Variants in C8orf34 observed in about 807,000 individuals in gnomAD.
The protein encoded by C8orf34 is chromosome 8 open reading frame 34, also known as uncharacterized protein C8orf34.
A neutral mutation model predicts 68.3 loss-of-function variants in C8orf34; 65 were observed. The ratio of observed to expected loss-of-function variants is 0.95; its 90% CI spans 0.78 to 1.17. C8orf34 has a LOEUF of 1.17. C8orf34 is among the 50% of genes most tolerant of loss of function. The probability of loss-of-function intolerance (pLI) is 0.00; values close to 1 mark genes in which losing one functional copy is unlikely to be tolerated. For missense variants in C8orf34, 664 were observed against 655.4 expected (o/e 1.01, Z -0.14); for synonymous variants, 244 against 241.2 (o/e 1.01, Z -0.11).
intron 8 of C8orf34, among the ~76,000 whole-genome samples, chr8:68,643,267 G>T (rs759641091): frequency 1.3e-5 from 2 of 152,176 alleles, no homozygotes; most frequent in Admixed American, 6.5e-5. Context: ...CCATGTCATT[G>T]TCTCACCTCT....
At chr8:68,765,195 C>G (rs949398609) in intron 10 of C8orf34, among the ~76,000 whole-genome samples, 4 of 152,180 alleles carry the variant, frequency 2.6e-5, no homozygotes. Context: ...AGAATAACCC[C>G]TGAGGAAAGT....
At chr8:68,642,207 T>C (rs1383104362) in intron 8 of C8orf34, among the ~76,000 whole-genome samples, 2 of 152,258 alleles carry the variant, frequency 1.3e-5, no homozygotes, top group East Asian at 3.9e-4. Flanking sequence ...AGGCCTAAAA[T>C]AGATAAAAAC....
Position 68,688,797 on chromosome 8 carries a change from A to G in C8orf34, c.1242-20197A>G, listed in dbSNP as rs533152409. Among the ~76,000 whole-genome samples, 3 of 152,224 alleles carry G rather than the reference A, an allele frequency of 2.0e-5. No individual in the cohort carries two copies. In the East Asian group the frequency reaches 5.8e-4, roughly 30 times the overall value. Reference sequence around the variant, plus strand: ...GGAGCTGAACAACGAGAACGTGGACATAGAAAGGGGAACAACACATACTGG... The same window carrying G: ...GGAGCTGAACAACGAGAACGTGGACGTAGAAAGGGGAACAACACATACTGG... On this transcript the variant is annotated intron_variant, in intron 8 of 13. Transcript: ENST00000518698.
rs546679933 is a variant in C8orf34, at chr8:68,574,679, C to T, written c.1105+41530C>T. Among the ~76,000 whole-genome samples, 4 of 152,114 alleles carry T rather than the reference C, an allele frequency of 2.6e-5. No individual in the cohort carries two copies. In the South Asian group the frequency reaches 6.2e-4, roughly 24 times the overall value. On this transcript the variant is annotated intron_variant, in intron 7 of 13. Transcript: ENST00000518698. ...TAACTTAATGCATGTATTTGTCTTC[C>T]ATTTCATAGAAACTTGAAACACATG...
chr8:68,623,402 A>T (rs1818444052), intron 7 of C8orf34, among the ~76,000 whole-genome samples: 2 of 151,606 alleles, frequency 1.3e-5, no homozygotes, highest in Non-Finnish European at 2.9e-5. Context: ...TCACAGTAGC[A>T]CTCCCCACCC....
At chr8:68,719,279 A>G (rs1478460192) in intron 9 of C8orf34, among the ~76,000 whole-genome samples, 1 of 152,014 alleles carries the variant, frequency 6.6e-6, no homozygotes, top group Non-Finnish European at 1.5e-5. Flanking sequence ...AAACTCTCAA[A>G]TGTTCTGGCA....
In C8orf34 at chr8:68,331,359, G is replaced by T. The variant is rs934088363; in HGVS notation, c.327+20G>T. On this transcript the variant is annotated intron_variant, in intron 1 of 13. Transcript: ENST00000518698. ...TTTGAGGTAAGGCGCTGTGGAGGAG[G>T]GCAGTCCCGTTGTCTTTAGGGGAAG... 1.0e-5 allele frequency: 16 copies of T among 1,534,840 alleles called. No individual in the cohort carries two copies. Among genetic ancestry groups the T allele is most frequent in the Admixed American group, 3.9e-5 (2 of 50,968 alleles).
rs575315821 is a variant in C8orf34 at position 68,586,977 on chromosome 8, T to C, written c.1106-53399T>C. 2.6e-3 allele frequency among the ~76,000 whole-genome samples: 394 copies of C among 152,288 alleles called. 1 individual carries two copies. The highest frequency in any genetic ancestry group is 8.9e-3 in the African/African-American group (369 of 41,582). On this transcript the variant is annotated intron_variant, in intron 7 of 13. Transcript: ENST00000518698. ...ACTAATTGCAATACTCTCTATGGTC[T>C]GCTAAGTAGAAATATCTACTACATA... is the stretch of plus-strand genomic sequence containing the variant.
chr8:68,517,749 A>G (rs1463819350), intron 5 of C8orf34, among the ~76,000 whole-genome samples: 2 of 152,142 alleles, frequency 1.3e-5, no homozygotes, highest in African/African-American at 4.8e-5. Flanking sequence ...GCCTAAACTC[A>G]TCTATTTCTG....
At chr8:68,583,606 C>T (rs1817126771) in intron 7 of C8orf34, among the ~76,000 whole-genome samples, 1 of 152,126 alleles carries the variant, frequency 6.6e-6, no homozygotes, top group South Asian at 2.1e-4. Context: ...GTTAATCCAC[C>T]TCCATTTCTT....
intron 9 of C8orf34, among the ~76,000 whole-genome samples, chr8:68,710,153 C>G (rs1821290850): frequency 6.6e-6 from 1 of 152,056 alleles, no homozygotes; most frequent in Non-Finnish European, 1.5e-5. Flanking sequence ...CTCGGACAGA[C>G]AGAGCAGCAT....
intron 3 of C8orf34, chr8:68,446,717 G>A (rs1811140801): frequency 2.3e-6 from 1 of 428,014 alleles, no homozygotes; most frequent in Admixed American, 4.2e-5. Flanking sequence ...TAAACTGCAT[G>A]GAGCGGGTCT....
intron 8 of C8orf34, among the ~76,000 whole-genome samples, chr8:68,647,059 A>G (rs1819196751): frequency 6.6e-6 from 1 of 152,188 alleles, no homozygotes; most frequent in Admixed American, 6.5e-5. Flanking sequence ...GGGGGCTAAT[A>G]TCCAGAATAT....
At chr8:68,387,549 C>A (rs1218389499) in intron 1 of C8orf34, among the ~76,000 whole-genome samples, 1 of 152,028 alleles carries the variant, frequency 6.6e-6, no homozygotes, top group Non-Finnish European at 1.5e-5. Context: ...GAAGGAGCAG[C>A]CATGCTGGTG....
At chr8:68,697,310 A>T (rs1820863864) in intron 8 of C8orf34, among the ~76,000 whole-genome samples, 1 of 152,088 alleles carries the variant, frequency 6.6e-6, no homozygotes, top group South Asian at 2.1e-4. Flanking sequence ...ACCTTTATTG[A>T]ATTATCAGAA....
At position 68,735,269 on chromosome 8, in the gene C8orf34, A is replaced by G. The variant is rs1003796725; in HGVS notation, c.1404+13832A>G. ...CAATGGTATCTGTCTTATACACAAG[A>G]TTTATTTGTAAGGTTTGCTTTGAAC... is the stretch of plus-strand genomic sequence containing the variant. On this transcript the variant is annotated intron_variant, in intron 10 of 13. Transcript: ENST00000518698. Among the ~76,000 whole-genome samples, 3 of 152,144 alleles carry G rather than the reference A, an allele frequency of 2.0e-5. No homozygotes were observed. The East Asian group carries it at 5.8e-4, about 29-fold the overall frequency.
chr8:68,540,302 A>G (rs1462885922), intron 7 of C8orf34, among the ~76,000 whole-genome samples: 2 of 150,934 alleles, frequency 1.3e-5, no homozygotes, highest in African/African-American at 4.9e-5. Flanking sequence ...ATTTTAATAA[A>G]TGATGTATTT....
intron 11 of C8orf34, among the ~76,000 whole-genome samples, chr8:68,785,411 C>T (rs1224697879): frequency 8.9e-6 from 1 of 112,342 alleles, no homozygotes; most frequent in East Asian, 2.1e-4. Flanking sequence ...CATCCATTTA[C>T]TTTACTGTTT....
At chr8:68,814,912 T>A (rs1824764541) in intron 12 of C8orf34, among the ~76,000 whole-genome samples, 1 of 152,170 alleles carries the variant, frequency 6.6e-6, no homozygotes, top group African/African-American at 2.4e-5. Flanking sequence ...GTTAAATCAT[T>A]TTCCTTAGTG....
Sources: gnomAD v4.1 joint callset for allele counts (sites outside exome capture counted in the v4.1 genomes callset) on GRCh38, gnomAD v4.1.1 for gene constraint, MANE v1.5 for transcripts, NCBI Gene and HGNC (gene_info 2026-07-23, HGNC 2026-07-21) for gene names.